TAOK1: variants seen among roughly 807,000 people sequenced by gnomAD.
TAOK1 encodes the protein serine/threonine-protein kinase TAO1.
Under a neutral mutation model 138.3 loss-of-function variants are expected in TAOK1, and 21 were observed. The observed-to-expected ratio is 0.15, with a 90% confidence interval of 0.11 to 0.22. The LOEUF (loss-of-function observed/expected upper bound fraction) is 0.22. Ranked by LOEUF, TAOK1 falls within the 10% of genes least tolerant of loss-of-function variation. The probability of loss-of-function intolerance (pLI) is 1.00; values close to 1 mark genes in which losing one functional copy is unlikely to be tolerated. For missense variants in TAOK1, 651 were observed against 1,227.7 expected (o/e 0.53, Z 7.02); for synonymous variants, 361 against 398.4 (o/e 0.91, Z 1.12).
chr17:29,532,529 TA>T (rs1056559574), intron 18 of TAOK1, among the ~76,000 whole-genome samples: 1 of 151,974 alleles, frequency 6.6e-6, no homozygotes, highest in Admixed American at 6.6e-5. Flanking sequence ...TACTTGAGAT[TA>T]GGGAGTGGTG....
intron 1 of TAOK1, among the ~76,000 whole-genome samples, chr17:29,411,774 T>C (rs1905150526): frequency 6.6e-6 from 1 of 152,160 alleles, no homozygotes; most frequent in African/African-American, 2.4e-5. Flanking sequence ...AATAAAGTGC[T>C]TAAGTGAATT....
intron 19 of TAOK1, among the ~76,000 whole-genome samples, chr17:29,537,659 G>A (rs1009314293): frequency 6.6e-6 from 1 of 151,792 alleles, no homozygotes; most frequent in Admixed American, 6.6e-5. Context: ...GCCTGGAGTT[G>A]TATATTTAGC....
At chr17:29,481,506 TA>T (rs2031062167) in intron 7 of TAOK1, among the ~76,000 whole-genome samples, 1 of 152,066 alleles carries the variant, frequency 6.6e-6, no homozygotes, top group African/African-American at 2.4e-5. Context: ...TAGACTTTTG[TA>T]ATGGGATCCT....
Position 29,508,147 on chromosome 17 carries a change from A to G in TAOK1, c.1575+15A>G. 2 of 1,602,082 alleles carry G rather than the reference A, an allele frequency of 1.2e-6. No homozygotes were observed. Among genetic ancestry groups the G allele is most frequent in the South Asian group, 2.2e-5 (2 of 90,740 alleles). On this transcript the variant is annotated intron_variant, in intron 14 of 19. Coordinates refer to ENST00000261716, the MANE Select transcript of TAOK1 (RefSeq NM_020791.4). ...TGGAGAAAGAGGTGGCTTATTCAGT[A>G]TTATTACTTTGCTTATTTTAGGTTT...
At chr17:29,432,777 AT>A (rs34539915) in intron 1 of TAOK1, among the ~76,000 whole-genome samples, 218 of 144,998 alleles carry the variant, frequency 1.5e-3, no homozygotes, top group Admixed American at 1.5e-3. Flanking sequence ...ACCTGTCCAA[AT>A]TTTTTTTTTT....
chr17:29,457,194 G>A (rs2030403981), intron 2 of TAOK1, among the ~76,000 whole-genome samples: 1 of 144,858 alleles, frequency 6.9e-6, no homozygotes, highest in Non-Finnish European at 1.5e-5. Flanking sequence ...CTGCCTCCTG[G>A]GTTCAAGCAC....
intron 17 of TAOK1, among the ~76,000 whole-genome samples, chr17:29,522,993 T>C (rs2031944309): frequency 6.6e-6 from 1 of 150,632 alleles, no homozygotes; most frequent in East Asian, 2.0e-4. Flanking sequence ...GAGAATCCCT[T>C]GAACCCAGGA....
At chr17:29,436,083 T>C (rs1380773260) in intron 1 of TAOK1, among the ~76,000 whole-genome samples, 1 of 152,226 alleles carries the variant, frequency 6.6e-6, no homozygotes, top group Non-Finnish European at 1.5e-5. Flanking sequence ...TGAGTTCAGA[T>C]TGAGCCACTG....
At chr17:29,409,318 T>C (rs1463246277) in intron 1 of TAOK1, among the ~76,000 whole-genome samples, 1 of 67,424 alleles carries the variant, frequency 1.5e-5, no homozygotes, top group Non-Finnish European at 2.8e-5. Context: ...CATATATATA[T>C]ATATATATAT....
chr17:29,542,961 T>C lies in TAOK1; in HGVS notation c.2945T>C (p.Met982Thr). 1 of 1,612,060 alleles carries C rather than the reference T, an allele frequency of 6.2e-7. No homozygotes were observed. Among genetic ancestry groups the C allele is most frequent in the Non-Finnish European group, 8.5e-7 (1 of 1,178,984 alleles). ...TASGGRTEQGMSRSTSVTSQI... is the reference protein window; with the variant it reads ...TASGGRTEQGTSRSTSVTSQI... ...TCTGGGGGACGGACGGAGCAGGGCA[T>C]GAGCAGAAGCACGAGTGTCACTTCA... Residue 982 changes from methionine (M) to threonine (T), a missense_variant, in exon 20 of 20, where the codon ATG becomes ACG. Met to Thr is a moderately conservative substitution (Grantham distance 81, BLOSUM62 -1). Around this residue, in one of 8 missense-constraint regions of TAOK1, gnomAD observed 108 missense variants for 120.3 expected, o/e 0.90. Coordinates refer to ENST00000261716, the MANE Select transcript of TAOK1 (RefSeq NM_020791.4).
chr17:29,485,303 T>C (rs1046501765), intron 8 of TAOK1, among the ~76,000 whole-genome samples: 2 of 152,182 alleles, frequency 1.3e-5, no homozygotes, highest in South Asian at 4.1e-4. Context: ...TATAAAATTA[T>C]AGAAATACAA....
chr17:29,424,959 C>T (rs1905587284), intron 1 of TAOK1: 1 of 152,070 alleles, frequency 6.6e-6, no homozygotes, highest in African/African-American at 2.4e-5. Flanking sequence ...TCTACCTGTG[C>T]TAAAGATTAA....
At chr17:29,477,352 A>G (rs1178337379) in intron 4 of TAOK1, among the ~76,000 whole-genome samples, 2 of 151,984 alleles carry the variant, frequency 1.3e-5, no homozygotes, top group Non-Finnish European at 2.9e-5. Flanking sequence ...AATTTTAATT[A>G]GTAATTATAT....
chr17:29,531,923 C>T (rs566678322), intron 18 of TAOK1, among the ~76,000 whole-genome samples: 1 of 149,950 alleles, frequency 6.7e-6, no homozygotes, highest in South Asian at 2.1e-4. Context: ...TGCAGTGGCA[C>T]GATCTTGGCT....
At chr17:29,486,851 G>A (rs1352228413) in intron 8 of TAOK1, among the ~76,000 whole-genome samples, 1 of 152,156 alleles carries the variant, frequency 6.6e-6, no homozygotes, top group African/African-American at 2.4e-5. Context: ...AGTGGAATGG[G>A]GATTCAGAAT....
At chr17:29,417,703 T>C (rs1380272944) in intron 1 of TAOK1, among the ~76,000 whole-genome samples, 1 of 152,224 alleles carries the variant, frequency 6.6e-6, no homozygotes, top group Non-Finnish European at 1.5e-5. Context: ...CTTGGCCTGC[T>C]TTCTGGGCTG....
At chr17:29,455,415 G>A (rs1306497149) in intron 2 of TAOK1, among the ~76,000 whole-genome samples, 1 of 150,328 alleles carries the variant, frequency 6.7e-6, no homozygotes, top group Non-Finnish European at 1.5e-5. Flanking sequence ...TATATCATTT[G>A]CAAATGGAGA....
chr17:29,551,874 T>C lies in TAOK1; in HGVS notation c.*8852T>C, dbSNP rs1343365065. Reference sequence around the variant, plus strand: ...ATAGCAAAGGAAATGTTTAAAAAAATCAACTGTAATAAAGTAATTTTAGTA... The same window carrying C: ...ATAGCAAAGGAAATGTTTAAAAAAACCAACTGTAATAAAGTAATTTTAGTA... On this transcript the variant is annotated 3_prime_UTR_variant, in exon 20 of 20. Transcript: ENST00000261716. 1.3e-5 allele frequency: 2 copies of C among 152,580 alleles called. No homozygotes were observed. Among genetic ancestry groups the C allele is most frequent in the Non-Finnish European group, 2.9e-5 (2 of 68,034 alleles). 9.5% of individuals were successfully genotyped at this position (152,580 alleles called of 1,614,324 possible). A position where few individuals can be genotyped will look rare whatever the true frequency, so the allele number is the denominator to read the frequency against.
intron 1 of TAOK1, chr17:29,403,647 A>G (rs1019431589): frequency 1.3e-5 from 2 of 152,108 alleles, no homozygotes; most frequent in African/African-American, 4.8e-5. Context: ...ATTTACTGGA[A>G]TTAGAGTTTT....
Sources: gnomAD v4.1 joint callset for allele counts (sites outside exome capture counted in the v4.1 genomes callset) on GRCh38, gnomAD v4.1.1 for gene constraint, gnomAD v4.1.1 regional missense constraint, MANE v1.5 for transcripts, NCBI Gene and HGNC (gene_info 2026-07-23, HGNC 2026-07-21) for gene names.